Variants in OPCML observed in about 807,000 individuals in gnomAD.
OPCML encodes the protein opioid-binding protein/cell adhesion molecule.
Under a neutral mutation model 37.8 loss-of-function variants are expected in OPCML, and 13 were observed. That is an observed-to-expected ratio of 0.34 (90% CI 0.22 to 0.55). The LOEUF (loss-of-function observed/expected upper bound fraction) is 0.55. Among genes scored for constraint, OPCML ranks in the 20% least tolerant of loss-of-function variants. OPCML has a pLI of 0.91. For synonymous variants in OPCML, 176 were observed against 168.8 expected (o/e 1.04, Z -0.33); for missense variants, 341 against 435.6 (o/e 0.78, Z 1.93).
chr11:132,602,911 G>A (rs1039259927), intron 3 of OPCML, among the ~76,000 whole-genome samples: 8 of 152,370 alleles, frequency 5.3e-5, no homozygotes, highest in African/African-American at 1.4e-4. Flanking sequence ...ACGGACAGTA[G>A]TGAGTTGCAT....
At chr11:133,521,657 C>T (rs1000874383) in intron 1 of OPCML, among the ~76,000 whole-genome samples, 3 of 152,236 alleles carry the variant, frequency 2.0e-5, no homozygotes, top group Non-Finnish European at 4.4e-5. Flanking sequence ...AGACTGGGCA[C>T]TCTCTCCTCC....
intron 1 of OPCML, among the ~76,000 whole-genome samples, chr11:133,514,433 A>G (rs559785480): frequency 3.1e-4 from 47 of 152,326 alleles, no homozygotes; most frequent in South Asian, 1.0e-3. Flanking sequence ...GCTCCATGTC[A>G]GCTTCCCATG....
At chr11:133,375,976 C>G (rs985874304) in intron 1 of OPCML, among the ~76,000 whole-genome samples, 8 of 152,126 alleles carry the variant, frequency 5.3e-5, no homozygotes, top group Non-Finnish European at 1.0e-4. Context: ...AGGAACAGAG[C>G]CAGGGAGCAG....
chr11:133,484,078 A>C (rs1947470989), intron 1 of OPCML, among the ~76,000 whole-genome samples: 1 of 136,128 alleles, frequency 7.3e-6, no homozygotes, highest in Admixed American at 6.9e-5. Flanking sequence ...AGATAGATAG[A>C]TAGATTCATA....
intron 2 of OPCML, among the ~76,000 whole-genome samples, chr11:132,847,706 A>G (rs1941613601): frequency 6.6e-6 from 1 of 152,060 alleles, no homozygotes; most frequent in African/African-American, 2.4e-5. Context: ...CTGAAATTAA[A>G]CTTTTGAAGT....
At chr11:132,480,146 A>T (rs2096174268) in intron 4 of OPCML, among the ~76,000 whole-genome samples, 1 of 152,188 alleles carries the variant, frequency 6.6e-6, no homozygotes, top group Admixed American at 6.5e-5. Flanking sequence ...ATGTATAACT[A>T]GAATAACCAA....
chr11:132,838,324 G>A (rs116730844), intron 2 of OPCML, among the ~76,000 whole-genome samples: 3,265 of 152,254 alleles, frequency 0.021, 128 homozygotes, highest in African/African-American at 0.075. Flanking sequence ...TATATTCTGC[G>A]AAGAAAATGA....
chr11:133,144,692 A>G (rs1201547591), intron 1 of OPCML, among the ~76,000 whole-genome samples: 1 of 152,212 alleles, frequency 6.6e-6, no homozygotes, highest in Non-Finnish European at 1.5e-5. Context: ...CCTTATCTTT[A>G]TGTGTTTATA....
chr11:133,282,692 C>T (rs1942191504), intron 1 of OPCML, among the ~76,000 whole-genome samples: 4 of 152,200 alleles, frequency 2.6e-5, no homozygotes, highest in Admixed American at 2.6e-4. Context: ...CCTCTTGAGT[C>T]TGGAAAAGCC....
chr11:133,489,206 C>G (rs905664419), intron 1 of OPCML, among the ~76,000 whole-genome samples: 9 of 151,716 alleles, frequency 5.9e-5, no homozygotes, highest in African/African-American at 2.4e-5. Flanking sequence ...GCAACTTCAG[C>G]AAAGCCAAAA....
chr11:133,183,986 C>T (rs1421230456), intron 1 of OPCML, among the ~76,000 whole-genome samples: 2 of 152,132 alleles, frequency 1.3e-5, no homozygotes. Flanking sequence ...CAGCACACAC[C>T]CATTACCATG....
intron 3 of OPCML, among the ~76,000 whole-genome samples, chr11:132,566,010 G>T (rs1221463715): frequency 1.3e-5 from 2 of 152,174 alleles, no homozygotes; most frequent in East Asian, 3.9e-4. Flanking sequence ...TCCAGCCTGG[G>T]TGACAGAGCG....
At chr11:132,555,380 C>A (rs978088224) in intron 3 of OPCML, among the ~76,000 whole-genome samples, 21 of 151,954 alleles carry the variant, frequency 1.4e-4, no homozygotes, top group African/African-American at 5.1e-4. Flanking sequence ...GAATGAGAAC[C>A]AAGTGAAAGG....
At chr11:133,093,481 T>A (rs1300481925) in intron 1 of OPCML, among the ~76,000 whole-genome samples, 1 of 152,168 alleles carries the variant, frequency 6.6e-6, no homozygotes, top group Non-Finnish European at 1.5e-5. Flanking sequence ...ACTATAATTA[T>A]CAAGCAACTG....
At chr11:133,238,602 C>T in intron 1 of OPCML, among the ~76,000 whole-genome samples, 1 of 152,242 alleles carries the variant, frequency 6.6e-6, no homozygotes, top group Non-Finnish European at 1.5e-5. Flanking sequence ...TCCTACCCAC[C>T]CACCTGCAAG....
chr11:133,498,302 A>G (rs1199925558), intron 1 of OPCML, among the ~76,000 whole-genome samples: 1 of 152,066 alleles, frequency 6.6e-6, no homozygotes, highest in African/African-American at 2.4e-5. Context: ...CTGAAATTCT[A>G]CCTTTGCTGG....
intron 1 of OPCML, among the ~76,000 whole-genome samples, chr11:133,275,984 G>C (rs1049244199): frequency 6.6e-6 from 1 of 152,008 alleles, no homozygotes; most frequent in Non-Finnish European, 1.5e-5. Flanking sequence ...TAAGGGTAAT[G>C]ACAAAGAAAA....
intron 1 of OPCML, among the ~76,000 whole-genome samples, chr11:133,351,097 T>C (rs537084190): frequency 6.6e-6 from 1 of 152,360 alleles, no homozygotes; most frequent in South Asian, 2.1e-4. Context: ...TGGACTGAGT[T>C]ACAAAGCAGG....
chr11:132,693,365 C>G (rs1238865184), intron 2 of OPCML, among the ~76,000 whole-genome samples: 2 of 152,098 alleles, frequency 1.3e-5, no homozygotes, highest in African/African-American at 4.8e-5. Context: ...CCTACCTTAG[C>G]CTGATTATTT....
Sources: gnomAD v4.1 joint callset for allele counts (sites outside exome capture counted in the v4.1 genomes callset) on GRCh38, gnomAD v4.1.1 for gene constraint, MANE v1.5 for transcripts, NCBI Gene and HGNC (gene_info 2026-07-23, HGNC 2026-07-21) for gene names.